The following LPAR4 variants were observed in gnomAD, a reference collection of about 807,000 sequenced individuals.
LPAR4 encodes the protein lysophosphatidic acid receptor 4.
A neutral mutation model predicts 9.2 loss-of-function variants in LPAR4; 14 were observed. The ratio of observed to expected loss-of-function variants is 1.51; its 90% CI spans 1.00 to 2.37. LPAR4 has a LOEUF of 2.37. Among genes scored for constraint, LPAR4 ranks in the 30% most tolerant of loss-of-function variants. The probability of loss-of-function intolerance (pLI) is 0.00; values close to 1 mark genes in which losing one functional copy is unlikely to be tolerated. For synonymous variants in LPAR4, 131 were observed against 97.9 expected (o/e 1.34, Z -1.99); for missense variants, 251 against 272.1 (o/e 0.92, Z 0.55).
intron 2 of LPAR4, 27 bp downstream of exon 2, chrX:78,750,250 T>C (rs948483025): frequency 2.7e-5 from 3 of 111,625 alleles, no homozygotes; most frequent in African/African-American, 9.8e-5. Flanking sequence ...TTAAATTATC[T>C]AATCATTGTA....
rs1272758181 is a variant in LPAR4 at position 78,756,313 on chromosome X, A to G, written c.*331A>G. On this transcript the variant is annotated 3_prime_UTR_variant, in exon 5 of 5. Coordinates refer to ENST00000614823, the MANE Select transcript of LPAR4 (RefSeq NM_001278000.3). ...ATTTCTATTCCAATGATATTTGGTA[A>G]TTAGGTTGGGCCTATAAATATAGAA... is the stretch of plus-strand genomic sequence containing the variant. 1.7e-5 allele frequency: 3 copies of G among 174,919 alleles called. No homozygotes were observed. The highest frequency in any genetic ancestry group is 9.3e-5 in the African/African-American group (3 of 32,267). The allele number at this position is 174,919 out of a possible 1,213,427, so 14.4% of individuals were successfully genotyped here.
intron 4 of LPAR4, among the ~76,000 whole-genome samples, chrX:78,752,319 T>C (rs961998234): frequency 8.9e-6 from 1 of 112,080 alleles, no homozygotes; most frequent in African/African-American, 3.2e-5. Context: ...AACCAATGTA[T>C]AGGAACACTG....
At position 78,757,825 on chromosome X, in the gene LPAR4, A is replaced by G. The variant is rs947500734; in HGVS notation, c.*1843A>G. On this transcript the variant is annotated 3_prime_UTR_variant, in exon 5 of 5. Coordinates refer to ENST00000614823, the MANE Select transcript of LPAR4 (RefSeq NM_001278000.3). ...GCAATTTAAAAATGCTAAGAATTTT[A>G]AAACAAAACTTCCAGGAAAAATGTA... is the stretch of plus-strand genomic sequence containing the variant. 8.9e-6 allele frequency among the ~76,000 whole-genome samples: 1 copy of G among 112,402 alleles called. No individual in the cohort carries two copies. The highest frequency in any genetic ancestry group is 3.2e-5 in the African/African-American group (1 of 31,045).
chrX:78,752,395 C>A (rs777650381), intron 4 of LPAR4, among the ~76,000 whole-genome samples: 2 of 111,767 alleles, frequency 1.8e-5, no homozygotes, highest in Non-Finnish European at 3.8e-5. Context: ...TGTTAGAAAC[C>A]ACTAATTTGA....
Position 78,755,767 on chromosome X carries a change from G to A in LPAR4, c.898G>A (p.Ala300Thr). The change falls in exon 5 of 5, where the codon GCA (alanine) becomes ACA (threonine). Residue 300 changes from alanine (A) to threonine (T), a missense_variant. Transcript: ENST00000614823. Reference protein sequence around the residue: ...KIMYPITLCLATLNCCFDPFI... With the variant: ...KIMYPITLCLTTLNCCFDPFI... ...CATGTACCCAATCACCTTGTGCCTT[G>A]CAACTCTGAACTGTTGTTTTGACCC... The A allele has an allele frequency of 8.3e-7, 1 of 1,209,446 alleles. No individual in the cohort carries two copies. The highest frequency in any genetic ancestry group is 3.0e-5 in the East Asian group (1 of 33,807).
At position 78,756,093 on chromosome X, in the gene LPAR4, A is replaced by C; in HGVS notation, c.*111A>C. 1 of 626,985 alleles carries C rather than the reference A, an allele frequency of 1.6e-6. No homozygotes were observed. The highest frequency in any genetic ancestry group is 4.4e-4 in the Middle Eastern group (1 of 2,293). The allele number at this position is 626,985 out of a possible 1,213,427, so 51.7% of individuals were successfully genotyped here. The stretch of plus-strand genomic sequence containing the variant: ...TGAGAATAATGCACCAAATCCAGTC[A>C]GATACATTTGTTTGAAGGTATACTG... On this transcript the variant is annotated 3_prime_UTR_variant, in exon 5 of 5. Transcript: ENST00000614823.
intron 1 of LPAR4, 21 bp downstream of exon 1, chrX:78,748,055 G>A (rs1286344990): frequency 9.1e-6 from 1 of 110,438 alleles, no homozygotes; most frequent in Non-Finnish European, 1.9e-5. Flanking sequence ...CTTTTAAAAA[G>A]ATTTGATTTT....
chrX:78,754,087 A>T (rs1162526663), intron 4 of LPAR4, among the ~76,000 whole-genome samples: 1 of 111,976 alleles, frequency 8.9e-6, no homozygotes, highest in Non-Finnish European at 1.9e-5. Flanking sequence ...GAGGGGATGG[A>T]TGTGTTAATT....
chrX:78,758,474 T>C lies in LPAR4; in HGVS notation c.*2492T>C, dbSNP rs1012974711. ...ATAAAATATATTATTAAATGTTTCT[T>C]GTGTAATTTCCATGTTTAGTTTTAA... On this transcript the variant is annotated 3_prime_UTR_variant, in exon 5 of 5. Transcript: ENST00000614823. Among the ~76,000 whole-genome samples, 15 of 111,667 alleles carry C rather than the reference T, an allele frequency of 1.3e-4. No individual in the cohort carries two copies. Among genetic ancestry groups the C allele is most frequent in the African/African-American group, 4.9e-4 (15 of 30,879 alleles).
intron 1 of LPAR4, among the ~76,000 whole-genome samples, 170 bp downstream of exon 1, chrX:78,748,204 C>A (rs1012175113): frequency 4.5e-5 from 5 of 111,871 alleles, no homozygotes; most frequent in Non-Finnish European, 9.4e-5. Context: ...ACGAGAATTT[C>A]CATTGTTTTG....
chrX:78,748,814 C>A (rs1924941058), intron 1 of LPAR4: 1 of 111,880 alleles, frequency 8.9e-6, no homozygotes, highest in Admixed American at 9.5e-5. Flanking sequence ...ATTATACCAT[C>A]TTTCTTTATC....
rs868338754 is a variant in LPAR4 at position 78,755,296 on chromosome X, C to A, written c.427C>A (p.Pro143Thr). The change falls in exon 5 of 5, where the codon CCT (proline) becomes ACT (threonine). Residue 143 changes from proline to threonine, a missense_variant. Transcript: ENST00000614823. ...SVDRFLAIVY[P>T]FRSRTIRTRR... ...GGATCGTTTCCTGGCCATTGTCTAT[C>A]CTTTTCGATCTCGTACTATTAGGAC... 1 of 1,208,161 alleles carries A rather than the reference C, an allele frequency of 8.3e-7. No individual in the cohort carries two copies. The highest frequency in any genetic ancestry group is 1.8e-5 in the South Asian group (1 of 56,765).
intron 4 of LPAR4, among the ~76,000 whole-genome samples, chrX:78,752,925 T>C (rs1033153300): frequency 2.7e-5 from 3 of 111,779 alleles, no homozygotes; most frequent in Non-Finnish European, 1.9e-5. Context: ...TGTATTTTAC[T>C]ATCATTAGAA....
Position 78,758,047 on chromosome X carries a change from A to G in LPAR4, c.*2065A>G, listed in dbSNP as rs933609170. ...TCTGTTAGCATAATGTAACTTTAAA[A>G]ACTGTAAAATCTGTGTCTGGGTTAG... is the stretch of plus-strand genomic sequence containing the variant. On this transcript the variant is annotated 3_prime_UTR_variant, in exon 5 of 5. Transcript: ENST00000614823. Among the ~76,000 whole-genome samples the G allele has an allele frequency of 3.6e-5, 4 of 112,107 alleles. No homozygotes were observed. In the Admixed American group the frequency reaches 3.8e-4, roughly 11 times the overall value.
chrX:78,752,467 CACA>C (rs1472365006), intron 4 of LPAR4, among the ~76,000 whole-genome samples: 1 of 111,574 alleles, frequency 9.0e-6, no homozygotes, highest in Non-Finnish European at 1.9e-5. Context: ...CTGTATTTTT[CACA>C]ACATTTGTGT....
At position 78,757,895 on chromosome X, in the gene LPAR4, A is replaced by G. The variant is rs937816898; in HGVS notation, c.*1913A>G. On this transcript the variant is annotated 3_prime_UTR_variant, in exon 5 of 5. Transcript: ENST00000614823. ...TGTGCCAGAAAGTGGTTAAACAATT[A>G]TAAAGCACAGAACAATAACAAAAAA... Among the ~76,000 whole-genome samples, 11 of 112,382 alleles carry G rather than the reference A, an allele frequency of 9.8e-5. No homozygotes were observed. The highest frequency in any genetic ancestry group is 3.5e-4 in the African/African-American group (11 of 31,026).
chrX:78,748,582 C>G (rs183786237), intron 1 of LPAR4, among the ~76,000 whole-genome samples: 1 of 112,304 alleles, frequency 8.9e-6, no homozygotes, highest in East Asian at 2.8e-4. Context: ...GTTTGCCATA[C>G]AAATGCATCA....
chrX:78,756,987 T>C lies in LPAR4; in HGVS notation c.*1005T>C, dbSNP rs765036733. The C allele has an allele frequency of 8.3e-6, 1 of 120,552 alleles. No homozygotes were observed. Among genetic ancestry groups the C allele is most frequent in the East Asian group, 2.8e-4 (1 of 3,530 alleles). The allele number at this position is 120,552 out of a possible 1,213,427, so 9.9% of individuals were successfully genotyped here. The stretch of plus-strand genomic sequence containing the variant: ...CTTTTTGGAGGGAGGAGTAGAGATA[T>C]ATAACCTGAAAATACTTATTCTTTC... On this transcript the variant is annotated 3_prime_UTR_variant, in exon 5 of 5. Coordinates refer to ENST00000614823, the MANE Select transcript of LPAR4 (RefSeq NM_001278000.3).
chrX:78,749,261 T>A (rs1924954523), intron 1 of LPAR4: 1 of 111,640 alleles, frequency 9.0e-6, no homozygotes, highest in Non-Finnish European at 1.9e-5. Context: ...TGTAGCTACC[T>A]TTTGTCTGTG....
Sources: gnomAD v4.1 joint callset for allele counts (sites outside exome capture counted in the v4.1 genomes callset) on GRCh38, gnomAD v4.1.1 for gene constraint, MANE v1.5 for transcripts, NCBI Gene and HGNC (gene_info 2026-07-23, HGNC 2026-07-21) for gene names.